ODF2L: variants seen among roughly 807,000 people sequenced by gnomAD.
ODF2L encodes outer dense fiber of sperm tails 2 like.
Under a neutral mutation model 86.3 loss-of-function variants are expected in ODF2L, and 76 were observed. That is an observed-to-expected ratio of 0.88 (90% CI 0.73 to 1.07). The LOEUF (loss-of-function observed/expected upper bound fraction) is 1.07. Among genes scored for constraint, ODF2L ranks in the 50% least tolerant of loss-of-function variants. The pLI is 0.00. For synonymous variants in ODF2L, 241 were observed against 231.3 expected, an observed-to-expected ratio of 1.04 and a Z score of -0.38; for missense variants, 748 against 717.4, an observed-to-expected ratio of 1.04 and a Z score of -0.49.
chr1:86,359,271 C>T (rs1169975171), intron 12 of ODF2L, among the ~76,000 whole-genome samples: 1 of 151,892 alleles, frequency 6.6e-6, no homozygotes, highest in Non-Finnish European at 1.5e-5. Flanking sequence ...CTAGGCCCTG[C>T]ACCCAGAATA....
chr1:86,371,013 AG>A lies in ODF2L; in HGVS notation c.1056+4del. The A allele has an allele frequency of 6.4e-7, 1 of 1,555,936 alleles. No homozygotes were observed. The highest frequency in any genetic ancestry group is 8.7e-7 in the Non-Finnish European group (1 of 1,151,260). On this transcript the variant is annotated splice_donor_region_variant and intron_variant, in intron 10 of 17. Transcript: ENST00000317336. ...CATGCCTGCTCAAACACTCATACAT[AG>A]TACCTTTAATTTTGTATTCTCAAGA...
intron 3 of ODF2L, 46 bp downstream of exon 3, chr1:86,385,412 T>C (rs1460586537): frequency 2.5e-6 from 3 of 1,222,534 alleles, no homozygotes; most frequent in Non-Finnish European, 3.5e-6. Flanking sequence ...GCATTCTGAG[T>C]ATTATACTAG....
At chr1:86,359,464 C>T (rs185655) in intron 12 of ODF2L, among the ~76,000 whole-genome samples, 54,380 of 150,644 alleles carry the variant, frequency 0.36, 10,260 homozygotes, top group African/African-American at 0.48. Flanking sequence ...CGAGATGCAG[C>T]CCCTTCCTAC....
At chr1:86,356,336 G>A in intron 14 of ODF2L, 108 bp downstream of exon 13, 1 of 775,024 alleles carries the variant, frequency 1.3e-6, no homozygotes, top group Non-Finnish European at 2.0e-6. Flanking sequence ...GAACTAAGTA[G>A]ATGGGAATTT....
chr1:86,355,293 T>A, intron 14 of ODF2L: 1 of 1,178,272 alleles, frequency 8.5e-7, no homozygotes, highest in Non-Finnish European at 1.2e-6. Flanking sequence ...GTAAATAAAA[T>A]ACATATTTTT....
intron 4 of ODF2L, among the ~76,000 whole-genome samples, chr1:86,383,836 A>G (rs926534160): frequency 6.6e-6 from 1 of 151,806 alleles, no homozygotes; most frequent in African/African-American, 2.4e-5. Context: ...TTTCTATTCA[A>G]AAAATATTCA....
chr1:86,386,983 A>G (rs1299851689), exon 2 of ODF2L: 1 of 1,591,798 alleles, frequency 6.3e-7, no homozygotes, highest in Non-Finnish European at 8.5e-7. Flanking sequence ...TAAGATGGCA[A>G]AAGAGTTCTT....
At chr1:86,386,530 C>G (rs1660964974) in intron 2 of ODF2L, 1 of 161,430 alleles carries the variant, frequency 6.2e-6, no homozygotes, top group South Asian at 2.0e-4. Context: ...GGACAACAGG[C>G]ACACGCTACC....
intron 10 of ODF2L, among the ~76,000 whole-genome samples, chr1:86,370,092 T>C (rs1221680482): frequency 1.3e-5 from 2 of 151,530 alleles, no homozygotes; most frequent in Non-Finnish European, 2.9e-5. Flanking sequence ...GCATTTCTAA[T>C]GCAAAACAAA....
At chr1:86,366,447 T>TAC (rs998213529) in intron 11 of ODF2L, among the ~76,000 whole-genome samples, 2 of 116,204 alleles carry the variant, frequency 1.7e-5, no homozygotes, top group Non-Finnish European at 3.7e-5. Flanking sequence ...CACATACACA[T>TAC]ACACACACAT....
chr1:86,376,362 C>T, exon 8 of ODF2L: 14 of 1,611,888 alleles, frequency 8.7e-6, no homozygotes, highest in Non-Finnish European at 1.2e-5. Context: ...TCACTATAGC[C>T]TCATTCTTAT....
At chr1:86,352,586 G>A (rs983289394) in intron 17 of ODF2L, among the ~76,000 whole-genome samples, 1 of 152,128 alleles carries the variant, frequency 6.6e-6, no homozygotes, top group Non-Finnish European at 1.5e-5. Flanking sequence ...GATTATATCT[G>A]TAATTTTCAT....
At chr1:86,367,052 G>A (rs1570383251) in intron 11 of ODF2L, among the ~76,000 whole-genome samples, 2 of 152,158 alleles carry the variant, frequency 1.3e-5, no homozygotes, top group African/African-American at 4.8e-5. Flanking sequence ...AAACACCAAG[G>A]ATAAGGGGAA....
intron 1 of ODF2L, among the ~76,000 whole-genome samples, chr1:86,389,222 T>C (rs965513100): frequency 6.6e-6 from 1 of 152,240 alleles, no homozygotes; most frequent in Non-Finnish European, 1.5e-5. Context: ...GAATATACTG[T>C]TAACTGACAA....
chr1:86,387,477 CTA>C (rs1398782708), intron 1 of ODF2L, among the ~76,000 whole-genome samples: 5 of 152,114 alleles, frequency 3.3e-5, no homozygotes, highest in African/African-American at 1.2e-4. Flanking sequence ...TTATTTATGC[CTA>C]AATCTGTAGA....
At chr1:86,358,093 TG>T in intron 13 of ODF2L, 5 of 985,540 alleles carry the variant, frequency 5.1e-6, no homozygotes, top group Non-Finnish European at 6.0e-6. Context: ...TGCCTTGCTC[TG>T]ACTTCTCAAT....
intron 11 of ODF2L, among the ~76,000 whole-genome samples, chr1:86,365,442 C>T (rs538422541): frequency 1.3e-3 from 202 of 151,972 alleles, no homozygotes; most frequent in African/African-American, 4.7e-3. Flanking sequence ...CAGAGGGAGA[C>T]AAATTATACA....
intron 1 of ODF2L, among the ~76,000 whole-genome samples, chr1:86,391,675 G>A (rs541933763): frequency 1.6e-4 from 25 of 152,142 alleles, no homozygotes; most frequent in Admixed American, 7.2e-4. Flanking sequence ...AAAAATCAAC[G>A]CAAGATGGAT....
chr1:86,383,186 T>C (rs1028514576), exon 5 of ODF2L: 1 of 1,560,006 alleles, frequency 6.4e-7, no homozygotes, highest in Non-Finnish European at 8.7e-7. Flanking sequence ...GCTGGATAAA[T>C]TGTCTCCTGT....
Sources: allele counts gnomAD v4.1 joint callset (sites outside exome capture counted in the v4.1 genomes callset), GRCh38; gene constraint gnomAD v4.1.1; transcripts MANE v1.5; gene names NCBI Gene and HGNC (gene_info 2026-07-23, HGNC 2026-07-21).